The following LZTFL1 variants were observed in gnomAD, a reference collection of about 807,000 sequenced individuals.
The protein encoded by LZTFL1 is leucine zipper transcription factor-like protein 1.
In LZTFL1, 25 loss-of-function variants were observed where a neutral mutation model predicts 45.9. The ratio of observed to expected loss-of-function variants is 0.54; its 90% CI spans 0.40 to 0.76. The LOEUF (loss-of-function observed/expected upper bound fraction) is 0.76. Ranked by LOEUF, LZTFL1 falls within the 30% of genes least tolerant of loss-of-function variation. The pLI is 0.00. For synonymous variants in LZTFL1, 93 were observed against 117.4 expected, an observed-to-expected ratio of 0.79 and a Z score of 1.35; for missense variants, 277 against 331.1, an observed-to-expected ratio of 0.84 and a Z score of 1.27.
intron 8 of LZTFL1, 80 bp downstream of exon 8, chr3:45,828,359 T>C (rs1366219361): frequency 2.4e-5 from 30 of 1,254,642 alleles, no homozygotes; most frequent in South Asian, 3.4e-5. Flanking sequence ...CCAACGTTTA[T>C]CTTAGCCACA....
upstream of LZTFL1, chr3:45,842,274 T>C (rs1391838876): frequency 6.1e-6 from 6 of 979,898 alleles, no homozygotes; most frequent in East Asian, 1.5e-4. Flanking sequence ...CAGTTCACTT[T>C]TGGGAGCTGA....
chr3:45,894,542 G>C (rs757830608), intron 2 of LZTFL1, among the ~76,000 whole-genome samples: 12 of 152,186 alleles, frequency 7.9e-5, no homozygotes, highest in Admixed American at 1.3e-4. Flanking sequence ...CTGAATCAAG[G>C]GAAAGGGAGC....
At chr3:45,838,655 C>T (rs1701026301) in intron 1 of LZTFL1, among the ~76,000 whole-genome samples, 1 of 152,232 alleles carries the variant, frequency 6.6e-6, no homozygotes, top group Middle Eastern at 3.2e-3. Flanking sequence ...AACCAGATGA[C>T]AGCTTGACAA....
In LZTFL1 at chr3:45,838,042, C is replaced by A; in HGVS notation, c.13G>T (p.Gly5Cys). 1 of 1,593,328 alleles carries A rather than the reference C, an allele frequency of 6.3e-7. No individual in the cohort carries two copies. The highest frequency in any genetic ancestry group is 1.1e-5 in the South Asian group (1 of 86,982). ...TCATTTTGATGGTGCTCATTTAGGC[C>A]CAACTCTGCCTGAAAAAGAAAGAGG... MAELGLNEHHQNEVI... is the reference protein window; with the variant it reads MAELCLNEHHQNEVI... The change falls in exon 2 of 10, where the codon GGC (glycine) becomes TGC (cysteine). Residue 5 changes from glycine to cysteine, a missense_variant. Transcript: ENST00000296135.
At chr3:45,833,014 TGA>T (rs1700872115) in intron 5 of LZTFL1, 34 bp downstream of exon 5, 3 of 1,487,280 alleles carry the variant, frequency 2.0e-6, no homozygotes, top group Middle Eastern at 1.7e-4. Flanking sequence ...CAGGACAGAA[TGA>T]GAGACTTTCC....
intron 2 of LZTFL1, among the ~76,000 whole-genome samples, chr3:45,890,306 T>TA (rs1702122094): frequency 6.5e-5 from 1 of 15,466 alleles, no homozygotes; most frequent in Non-Finnish European, 9.8e-5. Flanking sequence ...ATATATAACA[T>TA]ATATATATAT....
chr3:45,827,335 G>A, intron 9 of LZTFL1, 21 bp downstream of exon 9: 1 of 1,517,828 alleles, frequency 6.6e-7, no homozygotes, highest in Non-Finnish European at 9.2e-7. Flanking sequence ...GAAATCCAAA[G>A]GCGGGATCAG....
chr3:45,881,298 T>C (rs1440295312), intron 2 of LZTFL1, among the ~76,000 whole-genome samples: 1 of 152,218 alleles, frequency 6.6e-6, no homozygotes, highest in Non-Finnish European at 1.5e-5. Flanking sequence ...CAGTGCTACA[T>C]GCATCACTAT....
At chr3:45,906,555 A>C (rs1030033422) in intron 2 of LZTFL1, among the ~76,000 whole-genome samples, 8 of 152,158 alleles carry the variant, frequency 5.3e-5, no homozygotes, top group African/African-American at 1.7e-4. Flanking sequence ...CCTCTCACTG[A>C]CCATGTCATG....
intron 1 of LZTFL1, among the ~76,000 whole-genome samples, chr3:45,840,635 A>G (rs1701083494): frequency 6.6e-6 from 1 of 152,268 alleles, no homozygotes; most frequent in African/African-American, 2.4e-5. Flanking sequence ...AATAATAAAA[A>G]GAGCTGAAAA....
chr3:45,903,968 G>C (rs530816416), intron 2 of LZTFL1, among the ~76,000 whole-genome samples: 1 of 152,342 alleles, frequency 6.6e-6, no homozygotes, highest in South Asian at 2.1e-4. Context: ...TAGGTGCAAA[G>C]AACACAGCTG....
intron 2 of LZTFL1, among the ~76,000 whole-genome samples, chr3:45,903,760 G>A (rs1183435963): frequency 6.6e-6 from 1 of 152,166 alleles, no homozygotes; most frequent in Non-Finnish European, 1.5e-5. Flanking sequence ...AGAAAACATC[G>A]GCCTGGGACC....
At chr3:45,828,822 T>C (rs1700738173) in intron 7 of LZTFL1, among the ~76,000 whole-genome samples, 1 of 152,278 alleles carries the variant, frequency 6.6e-6, no homozygotes, top group Middle Eastern at 3.4e-3. Context: ...CGTGGTGTCT[T>C]GCACACAGCC....
chr3:45,906,753 A>G (rs1362334819), intron 2 of LZTFL1, among the ~76,000 whole-genome samples: 1 of 152,292 alleles, frequency 6.6e-6, no homozygotes, highest in East Asian at 1.9e-4. Flanking sequence ...TCCTTCATGA[A>G]GAAGCCACAG....
chr3:45,827,501 T>TA (rs1404227823), intron 8 of LZTFL1, 42 bp from the exon 9 acceptor site: 2 of 1,215,640 alleles, frequency 1.6e-6, no homozygotes, highest in African/African-American at 3.0e-5. Flanking sequence ...AAAAAATAGT[T>TA]AAGGAAAGAG....
chr3:45,839,357 G>A (rs1701046912), intron 1 of LZTFL1, among the ~76,000 whole-genome samples: 1 of 152,072 alleles, frequency 6.6e-6, no homozygotes, highest in Non-Finnish European at 1.5e-5. Context: ...CAAAGTGCTG[G>A]GATTACAGAG....
At chr3:45,843,149 G>C (rs1188295752), upstream of LZTFL1, among the ~76,000 whole-genome samples, 1 of 152,168 alleles carries the variant, frequency 6.6e-6, no homozygotes, top group African/African-American at 2.4e-5. Flanking sequence ...ATGGCATTTG[G>C]GCAGGATCCC....
intron 2 of LZTFL1, among the ~76,000 whole-genome samples, chr3:45,881,863 C>T (rs754119991): frequency 4.6e-5 from 7 of 152,164 alleles, no homozygotes; most frequent in African/African-American, 1.2e-4. Context: ...AGGCTAGAGC[C>T]GAGGTAGAAA....
Position 45,870,859 on chromosome 3 carries a change from A to G in LZTFL1, c.-214-11843T>C, listed in dbSNP as rs532263923. ...GTGGCTATTTGATATTAATCCTTCT[A>G]AAGGCTTTCTCTGCACTTAAAAACA... On this transcript the variant is annotated intron_variant, in intron 2 of 4. Transcript: ENST00000472635. Among the ~76,000 whole-genome samples, 303 of 152,308 alleles carry G rather than the reference A, an allele frequency of 2.0e-3. 3 individuals are homozygous for G. Among genetic ancestry groups the G allele is most frequent in the Middle Eastern group, 0.01 (3 of 294 alleles).
Sources: gnomAD v4.1 joint callset for allele counts (sites outside exome capture counted in the v4.1 genomes callset) on GRCh38, gnomAD v4.1.1 for gene constraint, MANE v1.5 for transcripts, NCBI Gene and HGNC (gene_info 2026-07-23, HGNC 2026-07-21) for gene names.